Variants in NTNG1 observed in about 807,000 individuals in gnomAD.
NTNG1 encodes the protein netrin-G1.
A neutral mutation model predicts 54.0 loss-of-function variants in NTNG1; 16 were observed. The ratio of observed to expected loss-of-function variants is 0.30; its 90% confidence interval spans 0.20 to 0.45. NTNG1 has a LOEUF of 0.45. Among genes scored for constraint, NTNG1 ranks in the 20% least tolerant of loss-of-function variants. The pLI is 1.00. For missense variants in NTNG1, 530 were observed against 678.7 expected (o/e 0.78, Z 2.43); for synonymous variants, 255 against 263.1 (o/e 0.97, Z 0.30).
intron 2 of NTNG1, among the ~76,000 whole-genome samples, chr1:107,209,559 C>T (rs1479812702): frequency 6.6e-6 from 1 of 152,138 alleles, no homozygotes; most frequent in Non-Finnish European, 1.5e-5. Flanking sequence ...AGTAATCAGT[C>T]CCTGACATGT....
At chr1:107,189,350 C>CAAAA (rs34104583) in intron 2 of NTNG1, among the ~76,000 whole-genome samples, 82,812 of 112,944 alleles carry the variant, frequency 0.73, 33,627 homozygotes, top group South Asian at 0.91. Context: ...GACCTTGTCT[C>CAAAA]AAAAAAAAAA....
At chr1:107,144,911 A>G (rs181073710) in intron 1 of NTNG1, among the ~76,000 whole-genome samples, 3 of 152,164 alleles carry the variant, frequency 2.0e-5, no homozygotes, top group Non-Finnish European at 4.4e-5. Flanking sequence ...TGAGTTCCCA[A>G]GGTCTGCAAA....
chr1:107,389,500 T>G (rs1283494444), intron 3 of NTNG1, among the ~76,000 whole-genome samples: 5 of 152,232 alleles, frequency 3.3e-5, no homozygotes, highest in Admixed American at 6.5e-5. Context: ...TGTTGGAGCA[T>G]TTTTATAAGC....
chr1:107,387,088 T>A (rs1672053715), intron 3 of NTNG1, among the ~76,000 whole-genome samples: 1 of 152,260 alleles, frequency 6.6e-6, no homozygotes, highest in Non-Finnish European at 1.5e-5. Flanking sequence ...CATTTTCTAA[T>A]TGGGTTATTT....
rs138744116 is a variant in NTNG1 at position 107,446,884 on chromosome 1, T to C, written c.1390+10085T>C. Among the ~76,000 whole-genome samples the C allele has an allele frequency of 4.6e-5, 7 of 152,220 alleles. No homozygotes were observed. The East Asian group carries it at 1.4e-3, about 29-fold the overall frequency. On this transcript the variant is annotated intron_variant, in intron 7 of 7. Transcript: ENST00000370068. ...AATTCCAATATAGGCACATACTGTATGCTCATGGAAATTTAGACTTACGCA... is the reference window on the plus strand; with the variant it reads ...AATTCCAATATAGGCACATACTGTACGCTCATGGAAATTTAGACTTACGCA...
chr1:107,313,465 C>T (rs774869537), intron 2 of NTNG1, among the ~76,000 whole-genome samples: 1 of 152,078 alleles, frequency 6.6e-6, no homozygotes, highest in Non-Finnish European at 1.5e-5. Context: ...ATCTGAGGTT[C>T]ACCTGAGAAA....
chr1:107,175,843 A>G (rs534393005), intron 2 of NTNG1, among the ~76,000 whole-genome samples: 1 of 152,268 alleles, frequency 6.6e-6, no homozygotes, highest in East Asian at 1.9e-4. Flanking sequence ...GAGAACAACT[A>G]AGTTTTAAGG....
At chr1:107,381,182 A>T (rs1394992967) in intron 3 of NTNG1, among the ~76,000 whole-genome samples, 2 of 152,112 alleles carry the variant, frequency 1.3e-5, no homozygotes, top group Non-Finnish European at 2.9e-5. Context: ...CAAAAGTCAC[A>T]ATAAAACCAA....
At chr1:107,451,273 T>C (rs542509695) in intron 7 of NTNG1, among the ~76,000 whole-genome samples, 29 of 152,062 alleles carry the variant, frequency 1.9e-4, no homozygotes, top group Non-Finnish European at 3.7e-4. Context: ...TAAGGTTGTT[T>C]ATTCCTGTAA....
At chr1:107,320,850 T>A (rs1667617337) in intron 2 of NTNG1, among the ~76,000 whole-genome samples, 1 of 152,092 alleles carries the variant, frequency 6.6e-6, no homozygotes, top group African/African-American at 2.4e-5. Flanking sequence ...ACAATTGATT[T>A]TTTCCCCTCT....
chr1:107,308,993 G>T (rs184167673), intron 2 of NTNG1, among the ~76,000 whole-genome samples: 1 of 137,896 alleles, frequency 7.3e-6, no homozygotes, highest in South Asian at 2.6e-4. Flanking sequence ...ACACGTTGAT[G>T]TATTATTGGT....
chr1:107,378,423 A>G (rs1248976949), intron 3 of NTNG1, among the ~76,000 whole-genome samples: 1 of 152,202 alleles, frequency 6.6e-6, no homozygotes, highest in Non-Finnish European at 1.5e-5. Flanking sequence ...TCAGGGTCAG[A>G]CACTTCAAAT....
At chr1:107,417,231 A>T (rs1454507152) in intron 5 of NTNG1, among the ~76,000 whole-genome samples, 1 of 152,112 alleles carries the variant, frequency 6.6e-6, no homozygotes, top group Admixed American at 6.6e-5. Flanking sequence ...CTTCATTCAT[A>T]AATTTTCATA....
intron 7 of NTNG1, among the ~76,000 whole-genome samples, chr1:107,439,678 T>G (rs544382124): frequency 3.3e-5 from 5 of 152,196 alleles, no homozygotes; most frequent in South Asian, 2.1e-4. Flanking sequence ...TGTTAAAATA[T>G]AGAAATTCTT....
intron 3 of NTNG1, among the ~76,000 whole-genome samples, chr1:107,337,628 TAAC>T (rs71739435): frequency 0.37 from 55,433 of 151,660 alleles, 12,053 homozygotes; most frequent in East Asian, 0.69. Flanking sequence ...ATGTGTATTT[TAAC>T]AACAACAACA....
chr1:107,370,547 A>G (rs1461754909), intron 3 of NTNG1, among the ~76,000 whole-genome samples: 1 of 151,738 alleles, frequency 6.6e-6, no homozygotes, highest in Non-Finnish European at 1.5e-5. Context: ...AGTCCATTGT[A>G]TCATTCTTAG....
rs187597628 is a variant in NTNG1 at position 107,206,661 on chromosome 1, A to T, written c.246+57822A>T. On this transcript the variant is annotated intron_variant, in intron 2 of 7. Transcript: ENST00000370068. ...GCTGCACTTAGGAGCCACCACAAGGATTATTCCTGAAAAATCAAATATGTA... is the reference window on the plus strand; with the variant it reads ...GCTGCACTTAGGAGCCACCACAAGGTTTATTCCTGAAAAATCAAATATGTA... 1.2e-4 allele frequency among the ~76,000 whole-genome samples: 18 copies of T among 152,310 alleles called. No individual in the cohort carries two copies. In the East Asian group the frequency reaches 3.5e-3, roughly 29 times the overall value.
rs76420560 is a variant in NTNG1 at position 107,267,788 on chromosome 1, A to G, written c.247-56494A>G. Reference sequence around the variant, plus strand: ...ATTAACTCCTAGACTCCTTTCCTCCAGTAGGTCTTTATCATAACATTGCAT... The same window carrying G: ...ATTAACTCCTAGACTCCTTTCCTCCGGTAGGTCTTTATCATAACATTGCAT... On this transcript the variant is annotated intron_variant, in intron 2 of 7. Coordinates refer to ENST00000370068, the MANE Select transcript of NTNG1 (RefSeq NM_001113226.3). Among the ~76,000 whole-genome samples, 393 of 152,326 alleles carry G rather than the reference A, an allele frequency of 2.6e-3. 11 individuals carry two copies. The East Asian group carries it at 0.061, about 23-fold the overall frequency.
chr1:107,394,023 A>G (rs1414270792), intron 3 of NTNG1, among the ~76,000 whole-genome samples: 2 of 151,856 alleles, frequency 1.3e-5, no homozygotes, highest in African/African-American at 4.9e-5. Flanking sequence ...TCTCTCACAC[A>G]CACACACATA....
Sources: gnomAD v4.1 joint callset for allele counts (sites outside exome capture counted in the v4.1 genomes callset) on GRCh38, gnomAD v4.1.1 for gene constraint, MANE v1.5 for transcripts, NCBI Gene and HGNC (gene_info 2026-07-23, HGNC 2026-07-21) for gene names.